HDAC10: variants seen among roughly 807,000 people sequenced by gnomAD.
HDAC10 encodes histone deacetylase 10.
In HDAC10, 90 loss-of-function variants were observed where a neutral mutation model predicts 82.3. The observed-to-expected ratio is 1.09, with a 90% CI of 0.92 to 1.30. The LOEUF is 1.30. Ranked by LOEUF, HDAC10 falls within the 50% of genes most tolerant of loss-of-function variation. The pLI, the probability that HDAC10 is intolerant of heterozygous loss-of-function variation, is 0.00. For synonymous variants in HDAC10, 456 were observed against 391.7 expected (o/e 1.16, Z -1.94); for missense variants, 934 against 876.3 (o/e 1.07, Z -0.83).
At position 50,248,628 on chromosome 22, in the gene HDAC10, C is replaced by T; in HGVS notation, c.906+34G>A. On this transcript the variant is annotated intron_variant, in intron 10 of 19. Transcript: ENST00000216271. This position sits in a 1 kb window ranked among gnomAD's most constrained non-coding sequence, Gnocchi z 5.4. ...TGCTCCTGACCCCCAGGCCTCTGGC[C>T]CAGAGACCCTCCCTGTGTGCCCTCC... 6.8e-7 allele frequency: 1 copy of T among 1,480,294 alleles called. No individual in the cohort carries two copies. The highest frequency in any genetic ancestry group is 1.3e-5 in the South Asian group (1 of 74,166). 91.7% of individuals were successfully genotyped at this position (1,480,294 alleles called of 1,614,324 possible). A position where few individuals can be genotyped will look rare whatever the true frequency, so the allele number is the denominator to read the frequency against.
Position 50,245,680 on chromosome 22 carries a change from A to G in HDAC10, c.1981T>C (p.Leu661=), listed in dbSNP as rs148846939. The G allele has an allele frequency of 2.5e-5, 41 of 1,612,922 alleles. No individual in the cohort carries two copies. The highest frequency in any genetic ancestry group is 1.7e-4 in the Admixed American group (10 of 59,986). Residue 661 remains leucine (L), a synonymous_variant, in exon 19 of 20, where the codon TTG becomes CTG. Transcript: ENST00000216271. ...GCCTCCGCAGTCAGCCTCACCTGCA[A>G]CATCTTCCACTGAGGCTCCAGCTGC... The part of the protein sequence containing the change: ...RGQLEPQWKM[L]QCHPHLVA
rs528268077 is a variant in HDAC10, at chr22:50,249,116, G to A, written c.743C>T (p.Pro248Leu). The A allele has an allele frequency of 1.4e-5, 22 of 1,601,958 alleles. No individual in the cohort carries two copies. In the South Asian group the frequency reaches 2.1e-4, roughly 16 times the overall value. ...CCGTGCAGTCACCTCAAAGGCCAGT[G>A]GGAGCAGCAGGTGCAGGAAGGCAGC... is the stretch of plus-strand genomic sequence containing the variant. ...YVAAFLHLLL[P>L]LAFEFDPELV... Residue 248 changes from proline (P) to leucine (L), a missense_variant, in exon 8 of 20, where the codon CCA becomes CTA. Transcript: ENST00000216271. The surrounding 1 kb of genome is among the most constrained non-coding windows in gnomAD (Gnocchi z 4.4).
intron 16 of HDAC10, 21 bp downstream of exon 16, chr22:50,246,658 T>G (rs774555622): frequency 1.9e-6 from 3 of 1,609,876 alleles, no homozygotes; most frequent in African/African-American, 2.7e-5. Context: ...GCTGGACATA[T>G]GCAAGACCTG....
Position 50,250,910 on chromosome 22 carries a change from G to T in HDAC10, c.60-5C>A, listed in dbSNP as rs993780646. 8.1e-6 allele frequency: 13 copies of T among 1,604,352 alleles called. No homozygotes were observed. The African/African-American group carries it at 1.6e-4, about 20-fold the overall frequency. On this transcript the variant is annotated splice_region_variant and splice_polypyrimidine_tract_variant and intron_variant, in intron 1 of 19. Coordinates refer to ENST00000216271, the MANE Select transcript of HDAC10 (RefSeq NM_032019.6). The stretch of plus-strand genomic sequence containing the variant: ...CGCTCGATCTCGCACTCGGGGCTGG[G>T]GCAGATGAGGAGCTCAGTTCAGAGG...
rs1378198006 is a variant in HDAC10, at chr22:50,251,140, G to A, written c.-108C>T. On this transcript the variant is annotated 5_prime_UTR_variant, in exon 1 of 20. Transcript: ENST00000216271. The stretch of plus-strand genomic sequence containing the variant: ...CAGCCGGAGGCCTGGGACCTGCCTG[G>A]GGCGCAGGCGGGCGGCGGGCACCGG... 3.4e-6 allele frequency: 4 copies of A among 1,172,912 alleles called. No individual in the cohort carries two copies. The African/African-American group carries it at 4.6e-5, about 14-fold the overall frequency. The allele number at this position is 1,172,912 out of a possible 1,614,324, so 72.7% of individuals were successfully genotyped here.
Position 50,248,056 on chromosome 22 carries a change from C to G in HDAC10, c.1171G>C (p.Ala391Pro). 1 of 1,607,960 alleles carries G rather than the reference C, an allele frequency of 6.2e-7. No homozygotes were observed. The highest frequency in any genetic ancestry group is 1.1e-5 in the South Asian group (1 of 90,650). The part of the protein sequence containing the change: ...LLPGGPVCKA[A>P]ASAPSSLLDQ... ...AGGAGGGAGCTCGGTGCAGATGCAG[C>G]TGCCTTACACACTGGACCCCCAGGC... is the stretch of plus-strand genomic sequence containing the variant. Residue 391 changes from alanine (A) to proline (P), a missense_variant, in exon 13 of 20, where the codon GCT becomes CCT. Ala to Pro is a conservative substitution (Grantham distance 27). Transcript: ENST00000216271. The surrounding 1 kb of genome is among the most constrained non-coding windows in gnomAD (Gnocchi z 5.4).
rs749107589 is a variant in HDAC10 at position 50,246,268 on chromosome 22, C to T, written c.1650+30G>A. The T allele has an allele frequency of 7.5e-6, 12 of 1,601,406 alleles. No individual in the cohort carries two copies. The South Asian group carries it at 1.2e-4, about 16-fold the overall frequency. On this transcript the variant is annotated intron_variant, in intron 17 of 19. Transcript: ENST00000216271. ...GTACACATCCATGGGCTCCCCAGCA[C>T]CTGCCTTGCCGCGTGGCATGGTCAC...
rs1569138151 is a variant in HDAC10, at chr22:50,251,222, G to A, written c.-190C>T. 7 of 584,134 alleles carry A rather than the reference G, an allele frequency of 1.2e-5. No individual in the cohort carries two copies. The highest frequency in any genetic ancestry group is 9.2e-5 in the East Asian group (3 of 32,572). The allele number at this position is 584,134 out of a possible 1,614,324, so 36.2% of individuals were successfully genotyped here. On this transcript the variant is annotated 5_prime_UTR_variant, in exon 1 of 20. Coordinates refer to ENST00000216271, the MANE Select transcript of HDAC10 (RefSeq NM_032019.6). ...CTCCGGGATCCCAGGCGCGCAGAAG[G>A]CACGGAGCGAGGCTGCAGTCGAAGG...
Position 50,249,253 on chromosome 22 carries a change from A to T in HDAC10, c.690+75T>A. The T allele has an allele frequency of 9.5e-7, 1 of 1,055,786 alleles. No homozygotes were observed. Among genetic ancestry groups the T allele is most frequent in the Non-Finnish European group, 1.3e-6 (1 of 786,276 alleles). The allele number at this position is 1,055,786 out of a possible 1,614,324, so 65.4% of individuals were successfully genotyped here. A position where few individuals can be genotyped will look rare whatever the true frequency, so the allele number is the denominator to read the frequency against. On this transcript the variant is annotated intron_variant, in intron 7 of 19. Transcript: ENST00000216271. This position sits in a 1 kb window ranked among gnomAD's most constrained non-coding sequence, Gnocchi z 4.4. ...GGGGTGGGTGGGGACCTGGGGCTTG[A>T]GGGTGAACTGTGGGGGAGGGGAGGG...
At chr22:50,246,801 G>A in intron 15 of HDAC10, 66 bp from the exon 16 acceptor site, 1 of 1,600,770 alleles carries the variant, frequency 6.2e-7, no homozygotes, top group East Asian at 2.2e-5. Flanking sequence ...AGAACTCTCT[G>A]TGCTTGGCCA....
chr22:50,246,549 C>G, intron 16 of HDAC10, 130 bp downstream of exon 16: 1 of 1,109,368 alleles, frequency 9.0e-7, no homozygotes, highest in Non-Finnish European at 1.3e-6. Flanking sequence ...CTCCCACACC[C>G]CAGCTGAGGA....
At position 50,249,976 on chromosome 22, in the gene HDAC10, GAGT is replaced by G. The variant is rs1569136871; in HGVS notation, c.390-15_390-13del. 2 of 1,611,574 alleles carry G rather than the reference GAGT, an allele frequency of 1.2e-6. No individual in the cohort carries two copies. Among genetic ancestry groups the G allele is most frequent in the Admixed American group, 3.3e-5 (2 of 60,004 alleles). ...GGTGCCCGGGAGGCCTACGGCGTGA[GAGT>G]AGGATTTGGGTCACGTCAGGGTCGC... is the stretch of plus-strand genomic sequence containing the variant. On this transcript the variant is annotated splice_polypyrimidine_tract_variant and intron_variant, in intron 4 of 19. Transcript: ENST00000216271. The surrounding 1 kb of genome is among the most constrained non-coding windows in gnomAD (Gnocchi z 4.4).
rs2147247281 is a variant in HDAC10, at chr22:50,250,809, G to A, written c.156C>T (p.Ala52=). Residue 52 remains alanine (A), a synonymous_variant, in exon 2 of 20, where the codon GCC becomes GCT. Transcript: ENST00000216271. ...CCAGCTCCTCTTCCGAGGCCTCGCG[G>A]GCTGACAACCGCAGACACCTCTGTT... ...GLEQRCLRLS[A]REASEEELGL... is the part of the protein sequence containing the mutation. 2 of 1,603,912 alleles carry A rather than the reference G, an allele frequency of 1.2e-6. No homozygotes were observed. The highest frequency in any genetic ancestry group is 1.7e-6 in the Non-Finnish European group (2 of 1,176,598).
At position 50,248,182 on chromosome 22, in the gene HDAC10, G is replaced by C; in HGVS notation, c.1082-37C>G. On this transcript the variant is annotated intron_variant, in intron 12 of 19. Coordinates refer to ENST00000216271, the MANE Select transcript of HDAC10 (RefSeq NM_032019.6). The surrounding 1 kb of genome is among the most constrained non-coding windows in gnomAD (Gnocchi z 5.4). Reference sequence around the variant, plus strand: ...TCGGAGTCATAGCCACTGCACAGGAGCCCGAGGTGGGATCCTGCAGCCTAG... The same window carrying C: ...TCGGAGTCATAGCCACTGCACAGGACCCCGAGGTGGGATCCTGCAGCCTAG... The C allele has an allele frequency of 6.3e-7, 1 of 1,599,358 alleles. No individual in the cohort carries two copies. The highest frequency in any genetic ancestry group is 8.5e-7 in the Non-Finnish European group (1 of 1,173,242).
At position 50,248,404 on chromosome 22, in the gene HDAC10, C is replaced by G; in HGVS notation, c.975G>C (p.Pro325=). Residue 325 remains proline, a synonymous_variant, in exon 11 of 20, where the codon CCG becomes CCC. Transcript: ENST00000216271. The surrounding 1 kb of genome is among the most constrained non-coding windows in gnomAD (Gnocchi z 5.4). ...CCATTGGCCCTGACAGGGGTGGGGCCGGGTCACCCAGCAGCGTCTGTACTG... is the reference window on the plus strand; with the variant it reads ...CCATTGGCCCTGACAGGGGTGGGGCGGGGTCACCCAGCAGCGTCTGTACTG... ...CMTVQTLLGD[P]APPLSGPMAP... The G allele has an allele frequency of 1.9e-6, 3 of 1,609,316 alleles. No homozygotes were observed. The highest frequency in any genetic ancestry group is 2.5e-6 in the Non-Finnish European group (3 of 1,179,922).
At chr22:50,246,128 G>C (rs1569133061) in intron 17 of HDAC10, 36 bp from the exon 18 acceptor site, 2 of 1,573,210 alleles carry the variant, frequency 1.3e-6, no homozygotes. Flanking sequence ...CTCATCTACG[G>C]ACACCTGCTG....
Position 50,248,589 on chromosome 22 carries a change from G to A in HDAC10, c.906+73C>T, listed in dbSNP as rs1463074150. ...GACGCCCCTCCCAAATACCCCGTGG[G>A]CACCTGGCTCCCATGCTCCTGACCC... On this transcript the variant is annotated intron_variant, in intron 10 of 19. Coordinates refer to ENST00000216271, the MANE Select transcript of HDAC10 (RefSeq NM_032019.6). This position sits in a 1 kb window ranked among gnomAD's most constrained non-coding sequence, Gnocchi z 5.4. 2 of 1,469,208 alleles carry A rather than the reference G, an allele frequency of 1.4e-6. No homozygotes were observed. Among genetic ancestry groups the A allele is most frequent in the Non-Finnish European group, 1.8e-6 (2 of 1,102,112 alleles). 91.0% of individuals were successfully genotyped at this position (1,469,208 alleles called of 1,614,324 possible). A position where few individuals can be genotyped will look rare whatever the true frequency, so the allele number is the denominator to read the frequency against.
At position 50,245,424 on chromosome 22, in the gene HDAC10, G is replaced by C. The variant is rs1407851926; in HGVS notation, c.*83C>G. 8.3e-6 allele frequency: 6 copies of C among 718,904 alleles called. No homozygotes were observed. Among genetic ancestry groups the C allele is most frequent in the Non-Finnish European group, 1.5e-5 (6 of 388,654 alleles). 44.5% of individuals were successfully genotyped at this position (718,904 alleles called of 1,614,324 possible). ...CGTGCCCCAGAGTCGAGGGAGCCGT[G>C]GGCTTGGGGTCCGGATCGCGGCCGC... On this transcript the variant is annotated 3_prime_UTR_variant, in exon 20 of 20. Coordinates refer to ENST00000216271, the MANE Select transcript of HDAC10 (RefSeq NM_032019.6).
At position 50,249,910 on chromosome 22, in the gene HDAC10, G is replaced by A. The variant is rs761591355; in HGVS notation, c.444C>T (p.Asn148=). The part of the protein sequence containing the change: ...RAAANGFCVF[N]NVAIAAAHAK... Reference sequence around the variant, plus strand: ...CATGTGCAGCTGCTATGGCCACGTTGTTGAACACACAGAACCCGTTGGCAG... The same window carrying A: ...CATGTGCAGCTGCTATGGCCACGTTATTGAACACACAGAACCCGTTGGCAG... Residue 148 remains asparagine, a synonymous_variant, in exon 5 of 20, where the codon AAC becomes AAT. Coordinates refer to ENST00000216271, the MANE Select transcript of HDAC10 (RefSeq NM_032019.6). The surrounding 1 kb of genome is among the most constrained non-coding windows in gnomAD (Gnocchi z 4.4). 1.4e-5 allele frequency: 22 copies of A among 1,612,788 alleles called. No individual in the cohort carries two copies. The highest frequency in any genetic ancestry group is 2.2e-5 in the East Asian group (1 of 44,854).
Sources: allele counts gnomAD v4.1 joint callset, GRCh38; gene constraint gnomAD v4.1.1; non-coding constraint Gnocchi (gnomAD v3.1); transcripts MANE v1.5; gene names NCBI Gene and HGNC (gene_info 2026-07-23, HGNC 2026-07-21).